Variants in IVL observed in about 807,000 individuals in gnomAD.
IVL encodes involucrin.
For missense variants in IVL, 722 were observed against 624.9 expected (o/e 1.16, Z -1.66); for synonymous variants, 257 against 271.0 (o/e 0.95, Z 0.51).
At chr1:152,908,962 G>A (rs1649851664) in intron 1 of IVL, among the ~76,000 whole-genome samples, 1 of 152,108 alleles carries the variant, frequency 6.6e-6, no homozygotes, top group African/African-American at 2.4e-5. Flanking sequence ...TCTACCTTTT[G>A]GCTATGCTGC....
rs568330995 is a variant in IVL, at chr1:152,910,722, C to G, written c.925C>G (p.Gln309Glu). The G allele has an allele frequency of 7.1e-6, 11 of 1,549,894 alleles. No individual in the cohort carries two copies. The Admixed American group carries it at 9.8e-5, about 14-fold the overall frequency. ...QEKQPELPEQ[Q>E]MGQLKHLEQQ... ...GAAGCAGCCAGAGCTCCCAGAGCAG[C>G]AGATGGGGCAGCTGAAGCACCTGGA... Residue 309 changes from glutamine (Q) to glutamate (E), a missense_variant, in exon 2 of 2, where the codon CAG becomes GAG. By Grantham distance (29) the Gln-to-Glu change is conservative (BLOSUM62 2). Coordinates refer to ENST00000368764, the MANE Select transcript of IVL (RefSeq NM_005547.4).
chr1:152,911,558 A>T lies in IVL; in HGVS notation c.*3A>T. The T allele has an allele frequency of 6.2e-7, 1 of 1,604,244 alleles. No homozygotes were observed. Among genetic ancestry groups the T allele is most frequent in the South Asian group, 1.1e-5 (1 of 88,786 alleles). On this transcript the variant is annotated 3_prime_UTR_variant, in exon 2 of 2. Transcript: ENST00000368764. ...AGTGGCCACCCAAACATAAATAACC[A>T]CCCGCAGTGTCCAGAGGCCCTCAGA...
chr1:152,908,774 C>G lies in IVL; in HGVS notation c.-20+185C>G, dbSNP rs560240348. ...AGTGCCTTGGCACAGAAGTGCAGAACAGAGAGTAATCATCCTATGTCCCAT... is the reference window on the plus strand; with the variant it reads ...AGTGCCTTGGCACAGAAGTGCAGAAGAGAGAGTAATCATCCTATGTCCCAT... On this transcript the variant is annotated intron_variant, in intron 1 of 1. Transcript: ENST00000368764. Among the ~76,000 whole-genome samples the G allele has an allele frequency of 7.2e-5, 11 of 152,326 alleles. No individual in the cohort carries two copies. In the South Asian group the frequency reaches 2.1e-3, roughly 29 times the overall value.
chr1:152,910,569 C>A lies in IVL; in HGVS notation c.772C>A (p.Gln258Lys), dbSNP rs1426343903. 1.3e-6 allele frequency: 2 copies of A among 1,549,578 alleles called. No individual in the cohort carries two copies. Among genetic ancestry groups the A allele is most frequent in the Non-Finnish European group, 1.7e-6 (2 of 1,146,378 alleles). ...QQEGQLELSE[Q>K]QEGQLKHLEH... ...GGAGGGGCAGCTGGAGCTCTCTGAG[C>A]AGCAGGAGGGACAGCTGAAGCACCT... Residue 258 changes from glutamine to lysine, a missense_variant, in exon 2 of 2, where the codon CAG becomes AAG. Transcript: ENST00000368764.
At position 152,911,200 on chromosome 1, in the gene IVL, A is replaced by G. The variant is rs1649981487; in HGVS notation, c.1403A>G (p.Lys468Arg). The change falls in exon 2 of 2, where the codon AAG becomes AGG. Residue 468 changes from lysine (K) to arginine (R), a missense_variant. Lys to Arg is a conservative substitution (Grantham distance 26). Transcript: ENST00000368764. ...CCAAAGAACCTGGAGCAGGAGGAGA[A>G]GCAACTGGAGCTCCCAGAGCAGCAA... ...GQPKNLEQEE[K>R]QLELPEQQEG... 2.6e-6 allele frequency: 4 copies of G among 1,557,162 alleles called. No homozygotes were observed. The highest frequency in any genetic ancestry group is 3.5e-6 in the Non-Finnish European group (4 of 1,150,928).
chr1:152,911,511 C>G lies in IVL; in HGVS notation c.1714C>G (p.Gln572Glu), dbSNP rs768558009. Residue 572 changes from glutamine to glutamate, a missense_variant, in exon 2 of 2, where the codon CAG becomes GAG. Transcript: ENST00000368764. ...KGEVLLPVEH[Q>E]QQKQEVQWPP... ...AGAAGTATTGCTTCCTGTAGAGCACCAGCAGCAGAAGCAGGAGGTGCAGTG... is the reference window on the plus strand; with the variant it reads ...AGAAGTATTGCTTCCTGTAGAGCACGAGCAGCAGAAGCAGGAGGTGCAGTG... 4.3e-6 allele frequency: 7 copies of G among 1,613,736 alleles called. No individual in the cohort carries two copies. In the Admixed American group the frequency reaches 1.0e-4, roughly 23 times the overall value.
In IVL at chr1:152,911,193, G is replaced by A. The variant is rs1201610753; in HGVS notation, c.1396G>A (p.Glu466Lys). The A allele has an allele frequency of 1.3e-6, 2 of 1,557,704 alleles. No homozygotes were observed. The highest frequency in any genetic ancestry group is 1.2e-5 in the South Asian group (1 of 84,504). The change falls in exon 2 of 2, where the codon GAG (glutamate) becomes AAG (lysine). Residue 466 changes from glutamate (E) to lysine (K), a missense_variant. By Grantham distance (56) the Glu-to-Lys change is moderately conservative. Coordinates refer to ENST00000368764, the MANE Select transcript of IVL (RefSeq NM_005547.4). The stretch of plus-strand genomic sequence containing the variant: ...GGGGCAGCCAAAGAACCTGGAGCAG[G>A]AGGAGAAGCAACTGGAGCTCCCAGA... ...QVGQPKNLEQ[E>K]EKQLELPEQQ...
chr1:152,910,733 G>T lies in IVL; in HGVS notation c.936G>T (p.Gln312His), dbSNP rs1228696979. ...AGCTCCCAGAGCAGCAGATGGGGCA[G>T]CTGAAGCACCTGGAGCAGCAGGAGG... The part of the protein sequence containing the change: ...QPELPEQQMG[Q>H]LKHLEQQEGQ... The change falls in exon 2 of 2, where the codon CAG becomes CAT. Residue 312 changes from glutamine (Q) to histidine (H), a missense_variant. Gln to His is a conservative substitution (Grantham distance 24). Transcript: ENST00000368764. 18 of 1,550,826 alleles carry T rather than the reference G, an allele frequency of 1.2e-5. No homozygotes were observed. Among genetic ancestry groups the T allele is most frequent in the Non-Finnish European group, 3.5e-6 (4 of 1,146,778 alleles).
Position 152,909,860 on chromosome 1 carries a change from G to A in IVL, c.63G>A (p.Lys21=), listed in dbSNP as rs1315095971. The change falls in exon 2 of 2, where the codon AAG becomes AAA. Residue 21 remains lysine (K), a synonymous_variant. Coordinates refer to ENST00000368764, the MANE Select transcript of IVL (RefSeq NM_005547.4). ...LSPALSQELL[K]TVPPPVNTHQ... ...CTGCCCTCAGTCAGGAGCTCCTCAA[G>A]ACTGTTCCTCCTCCAGTCAATACCC... The A allele has an allele frequency of 1.2e-6, 2 of 1,614,160 alleles. No homozygotes were observed.
At position 152,911,349 on chromosome 1, in the gene IVL, G is replaced by A. The variant is rs138618991; in HGVS notation, c.1552G>A (p.Gly518Arg). Reference sequence around the variant, plus strand: ...CCTAGAGCACCCAGAGCAGCAGGACGGACAACTAAAACATCTGGAGCAGCA... The same window carrying A: ...CCTAGAGCACCCAGAGCAGCAGGACAGACAACTAAAACATCTGGAGCAGCA... Reference protein sequence around the residue: ...KHLEHPEQQDGQLKHLEQQEG... With the variant: ...KHLEHPEQQDRQLKHLEQQEG... The change falls in exon 2 of 2, where the codon GGA becomes AGA. Residue 518 changes from glycine (G) to arginine (R), a missense_variant. Physicochemically the swap from Gly to Arg is moderately radical, Grantham distance 125 (BLOSUM62 -2). Coordinates refer to ENST00000368764, the MANE Select transcript of IVL (RefSeq NM_005547.4). 90 of 1,603,968 alleles carry A rather than the reference G, an allele frequency of 5.6e-5. No homozygotes were observed. In the African/African-American group the frequency reaches 7.0e-4, roughly 12 times the overall value.
chr1:152,909,195 T>C (rs982687107), intron 1 of IVL, among the ~76,000 whole-genome samples: 2 of 152,032 alleles, frequency 1.3e-5, no homozygotes, highest in Non-Finnish European at 2.9e-5. Context: ...ACCTGCTGGC[T>C]TTACAGGGGG....
chr1:152,910,872 C>A lies in IVL; in HGVS notation c.1075C>A (p.Gln359Lys), dbSNP rs367633832. The change falls in exon 2 of 2, where the codon CAG becomes AAG. Residue 359 changes from glutamine to lysine, a missense_variant. By Grantham distance (53) the Gln-to-Lys change is moderately conservative. Transcript: ENST00000368764. The part of the protein sequence containing the change: ...QEGQLEHLEH[Q>K]EGQLGLPEQQ... ...GGGGCAGCTGGAGCACCTGGAGCAC[C>A]AGGAAGGGCAGCTGGGGCTCCCAGA... The A allele has an allele frequency of 3.9e-6, 6 of 1,550,998 alleles. No homozygotes were observed. The highest frequency in any genetic ancestry group is 1.2e-5 in the South Asian group (1 of 83,992).
chr1:152,909,967 C>G lies in IVL; in HGVS notation c.170C>G (p.Ser57Ter). The change falls in exon 2 of 2, where the codon TCA becomes TGA. Residue 57 changes from serine (S) to a stop codon, truncating the protein, a stop_gained. Transcript: ENST00000368764. LOFTEE classifies it low-confidence loss of function (END_TRUNC). ...GTCGAGCTCCCAGTGGAGGTCCCAT[C>G]AAAGCAAGAGGAAAAGCACATGACT... is the stretch of plus-strand genomic sequence containing the variant. Reference protein sequence around the residue: ...VPVELPVEVPSKQEEKHMTAV... With the variant: ...VPVELPVEVP 6.2e-7 allele frequency: 1 copy of G among 1,614,086 alleles called. No individual in the cohort carries two copies. The highest frequency in any genetic ancestry group is 8.5e-7 in the Non-Finnish European group (1 of 1,180,014).
Position 152,910,872 on chromosome 1 carries a change from C to T in IVL, c.1075C>T (p.Gln359Ter), listed in dbSNP as rs367633832. 6.4e-7 allele frequency: 1 copy of T among 1,550,998 alleles called. No individual in the cohort carries two copies. Among genetic ancestry groups the T allele is most frequent in the Non-Finnish European group, 8.7e-7 (1 of 1,147,004 alleles). ...QEGQLEHLEH[Q>*]EGQLGLPEQQ... ...GGGGCAGCTGGAGCACCTGGAGCAC[C>T]AGGAAGGGCAGCTGGGGCTCCCAGA... Residue 359 changes from glutamine (Q) to a stop codon, truncating the protein, a stop_gained, in exon 2 of 2, where the codon CAG (glutamine) becomes TAG (stop). Transcript: ENST00000368764. LOFTEE classifies it low-confidence loss of function (END_TRUNC).
In IVL at chr1:152,911,484, G is replaced by A. The variant is rs988087140; in HGVS notation, c.1687G>A (p.Gly563Arg). The change falls in exon 2 of 2, where the codon GGA becomes AGA. Residue 563 changes from glycine to arginine, a missense_variant. Physicochemically the swap from Gly to Arg is moderately radical, Grantham distance 125 (BLOSUM62 -2). Transcript: ENST00000368764. ...QDIQPALPTK[G>R]EVLLPVEHQQ... The stretch of plus-strand genomic sequence containing the variant: ...CATTCAACCAGCCCTGCCCACAAAG[G>A]GAGAAGTATTGCTTCCTGTAGAGCA... 6.2e-7 allele frequency: 1 copy of A among 1,614,012 alleles called. No individual in the cohort carries two copies. The highest frequency in any genetic ancestry group is 2.2e-5 in the East Asian group (1 of 44,888).
Position 152,911,272 on chromosome 1 carries a change from T to C in IVL, c.1475T>C (p.Leu492Pro), listed in dbSNP as rs1649986163. Residue 492 changes from leucine to proline, a missense_variant, in exon 2 of 2, where the codon CTC becomes CCC. Coordinates refer to ENST00000368764, the MANE Select transcript of IVL (RefSeq NM_005547.4). ...GAGAAGCAGGAGGCACAGCTGGAGC[T>C]CCCAGAGCAGCAGGTAGGACAGCCA... is the stretch of plus-strand genomic sequence containing the variant. ...HLEKQEAQLE[L>P]PEQQVGQPKH... The C allele has an allele frequency of 6.4e-7, 1 of 1,557,198 alleles. No homozygotes were observed. Among genetic ancestry groups the C allele is most frequent in the African/African-American group, 1.4e-5 (1 of 72,316 alleles).
rs1650007506 is a variant in IVL, at chr1:152,911,722, T to G, written c.*167T>G. On this transcript the variant is annotated 3_prime_UTR_variant, in exon 2 of 2. Transcript: ENST00000368764. The stretch of plus-strand genomic sequence containing the variant: ...TGAGGGTGGGGGAGAGAGGGAATTA[T>G]TGTCCAGTGCCAACCCCAATGACCC... 1.4e-6 allele frequency: 1 copy of G among 712,638 alleles called. No homozygotes were observed. Among genetic ancestry groups the G allele is most frequent in the East Asian group, 2.7e-5 (1 of 36,682 alleles). 44.1% of individuals were successfully genotyped at this position (712,638 alleles called of 1,614,324 possible). A position where few individuals can be genotyped will look rare whatever the true frequency, so the allele number is the denominator to read the frequency against.
At position 152,909,876 on chromosome 1, in the gene IVL, G is replaced by C; in HGVS notation, c.79G>C (p.Val27Leu). ...GCTCCTCAAGACTGTTCCTCCTCCA[G>C]TCAATACCCATCAGGAGCAAATGAA... Reference protein sequence around the residue: ...QELLKTVPPPVNTHQEQMKQP... With the variant: ...QELLKTVPPPLNTHQEQMKQP... Residue 27 changes from valine (V) to leucine (L), a missense_variant, in exon 2 of 2, where the codon GTC becomes CTC. Coordinates refer to ENST00000368764, the MANE Select transcript of IVL (RefSeq NM_005547.4). 1 of 1,614,124 alleles carries C rather than the reference G, an allele frequency of 6.2e-7. No individual in the cohort carries two copies. The highest frequency in any genetic ancestry group is 8.5e-7 in the Non-Finnish European group (1 of 1,180,018).
In IVL at chr1:152,909,904, A is replaced by T. The variant is rs746856037; in HGVS notation, c.107A>T (p.Gln36Leu). The T allele has an allele frequency of 2.0e-5, 32 of 1,614,216 alleles. 1 individual carries two copies. In the South Asian group the frequency reaches 3.1e-4, roughly 16 times the overall value. ...AATACCCATCAGGAGCAAATGAAAC[A>T]GCCAACTCCACTGCCTCCCCCATGC... ...PVNTHQEQMK[Q>L]PTPLPPPCQK... Residue 36 changes from glutamine (Q) to leucine (L), a missense_variant, in exon 2 of 2, where the codon CAG (glutamine) becomes CTG (leucine). Gln to Leu is a moderately radical substitution (Grantham distance 113). Transcript: ENST00000368764.
Sources: allele counts gnomAD v4.1 joint callset (sites outside exome capture counted in the v4.1 genomes callset), GRCh38; gene constraint gnomAD v4.1.1; transcripts MANE v1.5; gene names NCBI Gene and HGNC (gene_info 2026-07-23, HGNC 2026-07-21).